Variants in PIK3CG observed in about 807,000 individuals in gnomAD.
The protein encoded by PIK3CG is phosphatidylinositol-4,5-bisphosphate 3-kinase catalytic subunit gamma, also known as phosphatidylinositol 4,5-bisphosphate 3-kinase catalytic subunit gamma isoform.
Under a neutral mutation model 102.3 loss-of-function variants are expected in PIK3CG, and 55 were observed. The ratio of observed to expected loss-of-function variants is 0.54; its 90% CI spans 0.43 to 0.67. The LOEUF is 0.67. Ranked by LOEUF, PIK3CG falls within the 30% of genes least tolerant of loss-of-function variation. PIK3CG has a pLI of 0.00. For missense variants in PIK3CG, 1,258 were observed against 1,391.8 expected (o/e 0.90, Z 1.53); for synonymous variants, 552 against 540.0 (o/e 1.02, Z -0.31).
At chr7:106,875,528 C>G (rs1790697191) in intron 5 of PIK3CG, among the ~76,000 whole-genome samples, 1 of 152,134 alleles carries the variant, frequency 6.6e-6, no homozygotes, top group Admixed American at 6.5e-5. Context: ...TGTGATAATG[C>G]AACAGATCTA....
chr7:106,869,174 C>G lies in PIK3CG; in HGVS notation c.1613C>G (p.Pro538Arg), dbSNP rs142822484. 1 of 1,614,200 alleles carries G rather than the reference C, an allele frequency of 6.2e-7. No homozygotes were observed. The highest frequency in any genetic ancestry group is 8.5e-7 in the Non-Finnish European group (1 of 1,180,036). ...CCTAAGCATCAGCCCACCCCTGACC[C>G]GGAAGGGGACCGGGTTCGAGCAGAA... ...ALPKHQPTPD[P>R]EGDRVRAEMP... is the part of the protein sequence containing the mutation. The change falls in exon 2 of 11, where the codon CCG becomes CGG. Residue 538 changes from proline (P) to arginine (R), a missense_variant. Coordinates refer to ENST00000496166, the MANE Select transcript of PIK3CG (RefSeq NM_001282426.2). The surrounding 1 kb of genome is among the most constrained non-coding windows in gnomAD (Gnocchi z 5.3).
intron 5 of PIK3CG, among the ~76,000 whole-genome samples, chr7:106,876,578 T>A (rs946788498): frequency 6.6e-6 from 1 of 150,508 alleles, no homozygotes; most frequent in Non-Finnish European, 1.5e-5. Flanking sequence ...TTTTTTTGTA[T>A]TTTTAGTTGA....
rs921652901 is a variant in PIK3CG, at chr7:106,883,303, G to A, written c.2760+140G>A. 4.4e-5 allele frequency: 39 copies of A among 890,326 alleles called. No homozygotes were observed. Among genetic ancestry groups the A allele is most frequent in the Non-Finnish European group, 5.7e-5 (33 of 579,084 alleles). The allele number at this position is 890,326 out of a possible 1,614,324, so 55.2% of individuals were successfully genotyped here. A position where few individuals can be genotyped will look rare whatever the true frequency, so the allele number is the denominator to read the frequency against. On this transcript the variant is annotated intron_variant, in intron 8 of 10. Transcript: ENST00000496166. This position sits in a 1 kb window ranked among gnomAD's most constrained non-coding sequence, Gnocchi z 5.8. Reference sequence around the variant, plus strand: ...TGAAGTTTTTTACTTGTGAAATAATGGAGGTTTTAAGTACCCTCCCGTGGT... The same window carrying A: ...TGAAGTTTTTTACTTGTGAAATAATAGAGGTTTTAAGTACCCTCCCGTGGT...
intron 10 of PIK3CG, among the ~76,000 whole-genome samples, chr7:106,904,517 GAGCCATAGCATTTTTTAA>G (rs1418571569): frequency 1.3e-5 from 2 of 152,138 alleles, no homozygotes; most frequent in Non-Finnish European, 2.9e-5. Context: ...GGGGGACCAT[GAGCCATAGCATTTTTTAA>G]AGCCCTCTCT....
rs1790788810 is a variant in PIK3CG, at chr7:106,877,473, A to G, written c.2392-2046A>G. On this transcript the variant is annotated intron_variant, in intron 5 of 10. Transcript: ENST00000496166. This position sits in a 1 kb window ranked among gnomAD's most constrained non-coding sequence, Gnocchi z 4.5. The stretch of plus-strand genomic sequence containing the variant: ...CTCAATGTGGCAGATATTTTTTCTT[A>G]GAAGGGTTATGGTTTTAATTCTTAC... Among the ~76,000 whole-genome samples the G allele has an allele frequency of 6.6e-6, 1 of 152,210 alleles. No homozygotes were observed. The highest frequency in any genetic ancestry group is 1.5e-5 in the Non-Finnish European group (1 of 68,038).
Position 106,867,591 on chromosome 7 carries a change from G to C in PIK3CG, c.30G>C (p.Val10=), listed in dbSNP as rs1371129587. The C allele has an allele frequency of 6.3e-7, 1 of 1,599,180 alleles. No individual in the cohort carries two copies. The highest frequency in any genetic ancestry group is 8.5e-7 in the Non-Finnish European group (1 of 1,173,260). MELENYKQP[V]VLREDNCRRR... The stretch of plus-strand genomic sequence containing the variant: ...AGCTGGAGAACTATAAACAGCCCGT[G>C]GTGCTGAGAGAGGACAACTGCCGAA... The change falls in exon 2 of 11, where the codon GTG becomes GTC. Residue 10 remains valine, a synonymous_variant. Coordinates refer to ENST00000496166, the MANE Select transcript of PIK3CG (RefSeq NM_001282426.2). The surrounding 1 kb of genome is among the most constrained non-coding windows in gnomAD (Gnocchi z 5.1).
At position 106,907,517 on chromosome 7, in the gene PIK3CG, ACTTT is replaced by A. The variant is rs1209284127; in HGVS notation, c.*2133_*2136del. Among the ~76,000 whole-genome samples, 2 of 152,144 alleles carry A rather than the reference ACTTT, an allele frequency of 1.3e-5. No homozygotes were observed. The highest frequency in any genetic ancestry group is 2.9e-5 in the Non-Finnish European group (2 of 68,036). ...TCTTTTGAAGAAAGGCAGGAAGAGT[ACTTT>A]CTAATTCAGAAGAGGATGTTTTCAC... On this transcript the variant is annotated 3_prime_UTR_variant, in exon 11 of 11. Coordinates refer to ENST00000496166, the MANE Select transcript of PIK3CG (RefSeq NM_001282426.2).
rs543590890 is a variant in PIK3CG at position 106,904,300 on chromosome 7, T to A, written c.3031-809T>A. ...TTAACATTATGCTCAATATTTATTA[T>A]TTGAAATATATATATAATCACTAAC... On this transcript the variant is annotated intron_variant, in intron 10 of 10. Coordinates refer to ENST00000496166, the MANE Select transcript of PIK3CG (RefSeq NM_001282426.2). Among the ~76,000 whole-genome samples the A allele has an allele frequency of 3.9e-5, 6 of 152,326 alleles. No homozygotes were observed. In the East Asian group the frequency reaches 1.2e-3, roughly 29 times the overall value.
Position 106,893,445 on chromosome 7 carries a change from T to A in PIK3CG, c.3030+7153T>A, listed in dbSNP as rs1378080996. Among the ~76,000 whole-genome samples the A allele has an allele frequency of 6.6e-6, 1 of 152,218 alleles. No homozygotes were observed. Among genetic ancestry groups the A allele is most frequent in the Non-Finnish European group, 1.5e-5 (1 of 68,034 alleles). On this transcript the variant is annotated intron_variant, in intron 10 of 10. Transcript: ENST00000496166. The surrounding 1 kb of genome is among the most constrained non-coding windows in gnomAD (Gnocchi z 4.4). ...ATTACTATTCTGGAAAAGATACGAA[T>A]CCAAAACTGGAAAGATAATAACCTT...
rs1791039353 is a variant in PIK3CG, at chr7:106,884,842, TG to T, written c.2872+577del. 6.6e-6 allele frequency among the ~76,000 whole-genome samples: 1 copy of T among 152,204 alleles called. No individual in the cohort carries two copies. Among genetic ancestry groups the T allele is most frequent in the Non-Finnish European group, 1.5e-5 (1 of 68,036 alleles). On this transcript the variant is annotated intron_variant, in intron 9 of 10. Coordinates refer to ENST00000496166, the MANE Select transcript of PIK3CG (RefSeq NM_001282426.2). This position sits in a 1 kb window ranked among gnomAD's most constrained non-coding sequence, Gnocchi z 4.2. Reference sequence around the variant, plus strand: ...CTGTGCAGTGAAACCTCTCTGCTAATGTTAATCTGTATTTACAGCCACTGCC... The same window carrying T: ...CTGTGCAGTGAAACCTCTCTGCTAATTTAATCTGTATTTACAGCCACTGCC...
intron 6 of PIK3CG, among the ~76,000 whole-genome samples, chr7:106,881,066 T>C (rs571125523): frequency 3.9e-5 from 6 of 152,326 alleles, no homozygotes; most frequent in African/African-American, 1.4e-4. Context: ...TAGCCTTTCC[T>C]TCTCTGGGCC....
chr7:106,873,676 C>T (rs573220054), intron 4 of PIK3CG, among the ~76,000 whole-genome samples: 17 of 152,050 alleles, frequency 1.1e-4, no homozygotes, highest in African/African-American at 4.1e-4. Context: ...GCAGGAGGTC[C>T]TGGAACCAAT....
At position 106,884,054 on chromosome 7, in the gene PIK3CG, G is replaced by A. The variant is rs1791017132; in HGVS notation, c.2761-101G>A. 1.1e-6 allele frequency: 1 copy of A among 912,328 alleles called. No individual in the cohort carries two copies. Among genetic ancestry groups the A allele is most frequent in the Non-Finnish European group, 1.7e-6 (1 of 575,762 alleles). 56.5% of individuals were successfully genotyped at this position (912,328 alleles called of 1,614,324 possible). On this transcript the variant is annotated intron_variant, in intron 8 of 10. Coordinates refer to ENST00000496166, the MANE Select transcript of PIK3CG (RefSeq NM_001282426.2). This position sits in a 1 kb window ranked among gnomAD's most constrained non-coding sequence, Gnocchi z 4.2. ...ATCAGGCACAACTAACTTGCTCTCT[G>A]AAAATGGTTTCCAGAATATTCTCTT...
rs952660801 is a variant in PIK3CG, at chr7:106,867,610, T to G, written c.49T>G (p.Cys17Gly). ...KQPVVLREDN[C>G]RRRRRMKPRS... ...GCCCGTGGTGCTGAGAGAGGACAAC[T>G]GCCGAAGGCGCCGGAGGATGAAGCC... Residue 17 changes from cysteine (C) to glycine (G), a missense_variant, in exon 2 of 11, where the codon TGC becomes GGC. By Grantham distance (159) the Cys-to-Gly change is radical. Coordinates refer to ENST00000496166, the MANE Select transcript of PIK3CG (RefSeq NM_001282426.2). The surrounding 1 kb of genome is among the most constrained non-coding windows in gnomAD (Gnocchi z 5.1). 1.2e-6 allele frequency: 2 copies of G among 1,608,460 alleles called. No homozygotes were observed. Among genetic ancestry groups the G allele is most frequent in the African/African-American group, 1.3e-5 (1 of 74,746 alleles).
intron 10 of PIK3CG, among the ~76,000 whole-genome samples, chr7:106,886,535 G>A (rs1791099102): frequency 6.6e-6 from 1 of 152,116 alleles, no homozygotes; most frequent in Non-Finnish European, 1.5e-5. Context: ...TATTTCATAA[G>A]CAGTGGGATG....
rs1395210099 is a variant in PIK3CG at position 106,868,547 on chromosome 7, G to T, written c.986G>T (p.Cys329Phe). Residue 329 changes from cysteine to phenylalanine, a missense_variant, in exon 2 of 11, where the codon TGC becomes TTC. Cys to Phe is a radical substitution (Grantham distance 205). This residue lies in a region of PIK3CG where 832 missense variants were observed against 787.5 expected (regional missense o/e 1.06). Coordinates refer to ENST00000496166, the MANE Select transcript of PIK3CG (RefSeq NM_001282426.2). This position sits in a 1 kb window ranked among gnomAD's most constrained non-coding sequence, Gnocchi z 6.2. ...RKEEWPLVDD[C>F]TGVTGYHEQL... is the part of the protein sequence containing the mutation. ...GAAGAGTGGCCACTGGTGGATGACT[G>T]CACGGGAGTCACCGGCTACCATGAG... is the stretch of plus-strand genomic sequence containing the variant. 1 of 1,614,008 alleles carries T rather than the reference G, an allele frequency of 6.2e-7. No individual in the cohort carries two copies. The highest frequency in any genetic ancestry group is 1.3e-5 in the African/African-American group (1 of 74,930).
chr7:106,901,663 G>A (rs1791558733), intron 10 of PIK3CG, among the ~76,000 whole-genome samples: 1 of 152,206 alleles, frequency 6.6e-6, no homozygotes, highest in Non-Finnish European at 1.5e-5. Flanking sequence ...GAGTTCTTGT[G>A]TTGGTCCTTT....
chr7:106,905,993 G>A lies in PIK3CG; in HGVS notation c.*606G>A, dbSNP rs946213035. The A allele has an allele frequency of 3.1e-5, 7 of 227,152 alleles. No individual in the cohort carries two copies. The highest frequency in any genetic ancestry group is 6.3e-5 in the East Asian group (1 of 15,752). 14.1% of individuals were successfully genotyped at this position (227,152 alleles called of 1,614,324 possible). ...AAACACAGCAGGAGAAATCTAAACC[G>A]TTGTGCCTTGACCTTCCTCTGCTGG... On this transcript the variant is annotated 3_prime_UTR_variant, in exon 11 of 11. Transcript: ENST00000496166. This position sits in a 1 kb window ranked among gnomAD's most constrained non-coding sequence, Gnocchi z 5.6.
chr7:106,866,326 C>T (rs1790282583), intron 1 of PIK3CG, among the ~76,000 whole-genome samples: 1 of 152,180 alleles, frequency 6.6e-6, no homozygotes. Context: ...AATACCTAAT[C>T]TTTCAGTGTT....
Sources: allele counts gnomAD v4.1 joint callset (sites outside exome capture counted in the v4.1 genomes callset), GRCh38; gene constraint gnomAD v4.1.1; regional missense constraint gnomAD v4.1.1; non-coding constraint Gnocchi (gnomAD v3.1); transcripts MANE v1.5; gene names NCBI Gene and HGNC (gene_info 2026-07-23, HGNC 2026-07-21).